Variants in TEX11 observed in about 807,000 individuals in gnomAD.
TEX11 encodes testis-expressed protein 11.
In TEX11, 7 loss-of-function variants were observed where a neutral mutation model predicts 84.4. The observed-to-expected ratio is 0.08, with a 90% CI of 0.05 to 0.16. The LOEUF is 0.16. Among genes scored for constraint, TEX11 ranks in the 10% least tolerant of loss-of-function variants. The pLI, the probability that TEX11 is intolerant of heterozygous loss-of-function variation, is 1.00. For missense variants in TEX11, 551 were observed against 660.5 expected (o/e 0.83, Z 1.82); for synonymous variants, 264 against 222.8 (o/e 1.18, Z -1.64).
intron 28 of TEX11, among the ~76,000 whole-genome samples, chrX:70,539,019 A>AATATATATATATAT (rs971242983): frequency 2.1e-5 from 1 of 47,833 alleles, no homozygotes; most frequent in Non-Finnish European, 3.7e-5. Flanking sequence ...GACACTTGGA[A>AATATATATATATAT]ATATATATAT....
Position 70,545,162 on chromosome X carries a change from G to A in TEX11, c.2520+6964C>T, listed in dbSNP as rs769907388. 1.2e-4 allele frequency among the ~76,000 whole-genome samples: 13 copies of A among 111,046 alleles called. No homozygotes were observed. In the South Asian group the frequency reaches 3.5e-3, roughly 30 times the overall value. Reference sequence around the variant, plus strand: ...AGATGTTGCAGTGAGCCGAGATTGCGCCATGGCACTCCAGCCTGGGTGACA... The same window carrying A: ...AGATGTTGCAGTGAGCCGAGATTGCACCATGGCACTCCAGCCTGGGTGACA... On this transcript the variant is annotated intron_variant, in intron 28 of 29. Coordinates refer to ENST00000374333, the MANE Select transcript of TEX11 (RefSeq NM_031276.3).
intron 8 of TEX11, among the ~76,000 whole-genome samples, chrX:70,823,716 AGT>A (rs1203267578): frequency 9.0e-6 from 1 of 111,246 alleles, no homozygotes; most frequent in East Asian, 2.8e-4. Context: ...CCATCAAAAT[AGT>A]GTTTTAGACC....
At chrX:70,675,131 A>T (rs2090059483) in intron 15 of TEX11, among the ~76,000 whole-genome samples, 1 of 111,585 alleles carries the variant, frequency 9.0e-6, no homozygotes, top group Non-Finnish European at 1.9e-5. Context: ...TAAACTGCAG[A>T]ATACAATGTT....
chrX:70,595,884 G>C (rs929408633), intron 24 of TEX11, among the ~76,000 whole-genome samples: 2 of 111,038 alleles, frequency 1.8e-5, no homozygotes, highest in African/African-American at 6.5e-5. Flanking sequence ...CTGTCTACAA[G>C]AGACACATAT....
chrX:70,514,882 A>G, the TEX11 span, among the ~76,000 whole-genome samples: 1 of 110,765 alleles, frequency 9.0e-6, no homozygotes, highest in South Asian at 3.8e-4. Context: ...AGCTTGGCCT[A>G]CATGGTGAAA....
chrX:70,551,973 C>A (rs2088220253), intron 28 of TEX11, among the ~76,000 whole-genome samples, 153 bp downstream of exon 28: 1 of 111,366 alleles, frequency 9.0e-6, no homozygotes, highest in South Asian at 3.8e-4. Context: ...TTTCAGAAAC[C>A]CAGGAAAATT....
At chrX:70,717,245 A>T (rs2090513440) in intron 13 of TEX11, among the ~76,000 whole-genome samples, 1 of 110,823 alleles carries the variant, frequency 9.0e-6, no homozygotes, top group African/African-American at 3.3e-5. Context: ...TTATCCTTGC[A>T]TCAAGATGGA....
intron 11 of TEX11, among the ~76,000 whole-genome samples, chrX:70,730,799 G>A (rs375837165): frequency 1.3e-4 from 15 of 111,413 alleles, no homozygotes; most frequent in South Asian, 3.8e-4. Context: ...TGCACCAAGC[G>A]GACCTAATAG....
chrX:70,661,259 C>T (rs948391260), intron 16 of TEX11, among the ~76,000 whole-genome samples: 1 of 112,504 alleles, frequency 8.9e-6, no homozygotes, highest in African/African-American at 3.2e-5. Flanking sequence ...GTCCTACGCC[C>T]ACAGAGCCTC....
intron 9 of TEX11, among the ~76,000 whole-genome samples, chrX:70,803,817 G>A (rs2091202720): frequency 9.0e-6 from 1 of 111,106 alleles, no homozygotes; most frequent in South Asian, 3.8e-4. Context: ...GCTGCCAACA[G>A]TTTTTTTAAC....
intron 28 of TEX11, among the ~76,000 whole-genome samples, chrX:70,536,220 T>C (rs774912741): frequency 9.0e-6 from 1 of 111,195 alleles, no homozygotes; most frequent in South Asian, 3.8e-4. Context: ...ATACTAATAA[T>C]ACTGTAAGGT....
At chrX:70,710,543 CA>C (rs976636171) in intron 13 of TEX11, among the ~76,000 whole-genome samples, 3 of 107,584 alleles carry the variant, frequency 2.8e-5, no homozygotes, top group African/African-American at 1.0e-4. Flanking sequence ...GAAAAGTTCT[CA>C]TTTTTTTTTT....
chrX:70,777,374 C>T (rs1244772385), intron 9 of TEX11, among the ~76,000 whole-genome samples: 2 of 111,402 alleles, frequency 1.8e-5, no homozygotes, highest in South Asian at 3.7e-4. Context: ...GGTGGCCAGG[C>T]GCAGTGGCTC....
chrX:70,891,779 G>T (rs1294210959), intron 2 of TEX11, among the ~76,000 whole-genome samples: 1 of 111,963 alleles, frequency 8.9e-6, no homozygotes, highest in Non-Finnish European at 1.9e-5. Flanking sequence ...AAAGTGATGG[G>T]GAGAAAGGAA....
chrX:70,604,548 G>A, intron 24 of TEX11, among the ~76,000 whole-genome samples: 1 of 111,355 alleles, frequency 9.0e-6, no homozygotes, highest in Non-Finnish European at 1.9e-5. Flanking sequence ...GAAAAGAAGC[G>A]AAATAGTTGG....
Position 70,873,319 on chromosome X carries a change from G to A in TEX11, c.160-12C>T. 1.8e-6 allele frequency: 2 copies of A among 1,123,232 alleles called. No individual in the cohort carries two copies. Among genetic ancestry groups the A allele is most frequent in the Middle Eastern group, 2.4e-4 (1 of 4,153 alleles). The allele number at this position is 1,123,232 out of a possible 1,213,427, so 92.6% of individuals were successfully genotyped here. A position where few individuals can be genotyped will look rare whatever the true frequency, so the allele number is the denominator to read the frequency against. ...GCCATTTCTTCAATCTGGTCAAAGA[G>A]AAACATTTCCTTAGTTAGTTAAAAT... On this transcript the variant is annotated splice_polypyrimidine_tract_variant and intron_variant, in intron 3 of 29. Transcript: ENST00000374333.
chrX:70,811,896 G>C (rs936853688), intron 8 of TEX11, among the ~76,000 whole-genome samples: 1 of 111,969 alleles, frequency 8.9e-6, no homozygotes, highest in Non-Finnish European at 1.9e-5. Context: ...TTGTAAATTT[G>C]TTTGAGTTCT....
At chrX:70,748,865 G>C (rs1292689803) in intron 9 of TEX11, among the ~76,000 whole-genome samples, 1 of 98,925 alleles carries the variant, frequency 1.0e-5, no homozygotes, top group African/African-American at 3.8e-5. Context: ...GATGCCTCCA[G>C]CTTTGTTCTT....
intron 9 of TEX11, among the ~76,000 whole-genome samples, chrX:70,767,558 A>G (rs1001461155): frequency 8.9e-6 from 1 of 111,837 alleles, no homozygotes; most frequent in East Asian, 2.8e-4. Context: ...TATGGAGAAC[A>G]GTTTGGAGTT....
Sources: gnomAD v4.1 joint callset for allele counts (sites outside exome capture counted in the v4.1 genomes callset) on GRCh38, gnomAD v4.1.1 for gene constraint, MANE v1.5 for transcripts, NCBI Gene and HGNC (gene_info 2026-07-23, HGNC 2026-07-21) for gene names.